The following NR2C1 variants were observed in gnomAD, a reference collection of about 807,000 sequenced individuals.
The protein encoded by NR2C1 is TR2 nuclear hormone receptor.
Under a neutral mutation model 74.8 loss-of-function variants are expected in NR2C1, and 33 were observed. That is an observed-to-expected ratio of 0.44 (90% CI 0.33 to 0.59). The LOEUF is 0.59. Among genes scored for constraint, NR2C1 ranks in the 20% least tolerant of loss-of-function variants. NR2C1 has a pLI of 0.02. For missense variants in NR2C1, 568 were observed against 715.6 expected (o/e 0.79, Z 2.35); for synonymous variants, 225 against 240.6 (o/e 0.94, Z 0.60).
At position 95,073,357 on chromosome 12, in the gene NR2C1, T is replaced by A. The variant is rs547320436; in HGVS notation, c.-8+23A>T. ...CCCCCGCCCCCGACGCGGTCGCTGG[T>A]GTCCCCACCCAGCGTTTCTTACCGG... On this transcript the variant is annotated intron_variant, in intron 1 of 13. Coordinates refer to ENST00000333003, the MANE Select transcript of NR2C1 (RefSeq NM_003297.4). The A allele has an allele frequency of 9.2e-4, 140 of 152,328 alleles. 1 individual carries two copies. Among genetic ancestry groups the A allele is most frequent in the African/African-American group, 3.0e-3 (126 of 41,570 alleles). The allele number at this position is 152,328 out of a possible 1,614,324, so 9.4% of individuals were successfully genotyped here. A position where few individuals can be genotyped will look rare whatever the true frequency, so the allele number is the denominator to read the frequency against.
At position 95,065,190 on chromosome 12, in the gene NR2C1, CT is replaced by C. The variant is rs200969790; in HGVS notation, c.54+2140del. ...AAATATTACTGAGGGTTCCAAAGAG[CT>C]TTTTTTTTGAGATGGAGTTTTACTC... On this transcript the variant is annotated intron_variant, in intron 2 of 13. Transcript: ENST00000333003. Among the ~76,000 whole-genome samples, 601 of 151,050 alleles carry C rather than the reference CT, an allele frequency of 4.0e-3. 2 individuals are homozygous for C. Among genetic ancestry groups the C allele is most frequent in the Middle Eastern group, 0.024 (7 of 292 alleles).
rs1871395323 is a variant in NR2C1 at position 95,040,538 on chromosome 12, G to A, written c.1191C>T (p.Ala397=). ...GCATTGATAAGAACAGCAGTCTGGA[G>A]GCAGACTCCCCAATGTAGTGCACAT... ...YLNVHYIGES[A]SRLLFLSMHW... The change falls in exon 10 of 14, where the codon GCC becomes GCT. Residue 397 remains alanine, a synonymous_variant. Coordinates refer to ENST00000333003, the MANE Select transcript of NR2C1 (RefSeq NM_003297.4). The A allele has an allele frequency of 1.2e-6, 2 of 1,613,370 alleles. No individual in the cohort carries two copies. Among genetic ancestry groups the A allele is most frequent in the Admixed American group, 1.7e-5 (1 of 60,014 alleles).
At chr12:95,062,827 T>C in intron 2 of NR2C1, 89 bp from the exon 3 acceptor site, 1 of 926,102 alleles carries the variant, frequency 1.1e-6, no homozygotes, top group East Asian at 2.6e-5. Context: ...ATTACATATA[T>C]ATTCAATATA....
intron 10 of NR2C1, among the ~76,000 whole-genome samples, chr12:95,038,496 GC>G: frequency 6.6e-6 from 1 of 152,216 alleles, no homozygotes; most frequent in East Asian, 1.9e-4. Flanking sequence ...AGAGGCTCAC[GC>G]CTATAACACC....
At chr12:95,058,582 G>T in intron 4 of NR2C1, 93 bp from the exon 5 acceptor site, 2 of 952,278 alleles carry the variant, frequency 2.1e-6, no homozygotes, top group East Asian at 2.5e-5. Context: ...CAACATATAA[G>T]ATGAAACTGA....
chr12:95,066,576 G>A (rs1418666580), intron 2 of NR2C1, among the ~76,000 whole-genome samples: 1 of 152,160 alleles, frequency 6.6e-6, no homozygotes, highest in East Asian at 1.9e-4. Context: ...GCTTTTCAAA[G>A]GTTAGCAGCA....
chr12:95,023,180 G>T (rs540161954), intron 13 of NR2C1, among the ~76,000 whole-genome samples: 12 of 152,164 alleles, frequency 7.9e-5, no homozygotes, highest in Admixed American at 1.3e-4. Flanking sequence ...TGACCAGCCT[G>T]GCCAACATGG....
At chr12:95,028,352 AT>A in intron 12 of NR2C1, 34 bp downstream of exon 12, 2 of 1,568,346 alleles carry the variant, frequency 1.3e-6, no homozygotes, top group Non-Finnish European at 1.7e-6. Context: ...ATCGTGAAAC[AT>A]TTTATTTTGA....
chr12:95,041,773 A>C (rs895196576), intron 9 of NR2C1, among the ~76,000 whole-genome samples: 1 of 152,244 alleles, frequency 6.6e-6, no homozygotes, highest in Non-Finnish European at 1.5e-5. Context: ...AAGTAAGTAC[A>C]TGCAATAATA....
At chr12:95,053,335 C>A (rs552045876) in intron 7 of NR2C1, among the ~76,000 whole-genome samples, 1 of 152,024 alleles carries the variant, frequency 6.6e-6, no homozygotes, top group South Asian at 2.1e-4. Context: ...AGCTACAATT[C>A]TTTTATAAAA....
At chr12:95,045,629 C>T (rs1460460506) in intron 9 of NR2C1, among the ~76,000 whole-genome samples, 1 of 151,814 alleles carries the variant, frequency 6.6e-6, no homozygotes, top group Non-Finnish European at 1.5e-5. Flanking sequence ...ACATGGGCGA[C>T]CAGAAAGACT....
At chr12:95,033,146 C>T (rs1024664671) in intron 10 of NR2C1, among the ~76,000 whole-genome samples, 3 of 140,754 alleles carry the variant, frequency 2.1e-5, no homozygotes, top group Non-Finnish European at 4.6e-5. Flanking sequence ...AAGACCCTGT[C>T]TCAAAAAAAA....
At chr12:95,057,197 C>T (rs1231630628) in intron 7 of NR2C1, among the ~76,000 whole-genome samples, 1 of 149,324 alleles carries the variant, frequency 6.7e-6, no homozygotes, top group East Asian at 2.0e-4. Context: ...CTCCACCTAC[C>T]GGGTTCAAGC....
chr12:95,043,833 C>A (rs754110879), intron 9 of NR2C1, among the ~76,000 whole-genome samples: 39 of 152,212 alleles, frequency 2.6e-4, no homozygotes, highest in Non-Finnish European at 5.1e-4. Flanking sequence ...CTGGTTTAAT[C>A]ATAAAATGGA....
chr12:95,049,301 A>C, intron 8 of NR2C1, 68 bp from the exon 9 acceptor site: 1 of 1,479,850 alleles, frequency 6.8e-7, no homozygotes, highest in East Asian at 2.3e-5. Flanking sequence ...TCTACATAGG[A>C]TTCTGGAATT....
chr12:95,030,583 T>G, intron 11 of NR2C1: 1 of 1,613,378 alleles, frequency 6.2e-7, no homozygotes, highest in African/African-American at 1.3e-5. Flanking sequence ...GATGCTGCCT[T>G]CTAGTAGATC....
At chr12:95,026,622 G>A (rs1006741454) in intron 12 of NR2C1, among the ~76,000 whole-genome samples, 3 of 152,166 alleles carry the variant, frequency 2.0e-5, no homozygotes, top group Admixed American at 1.3e-4. Context: ...GACAAATTGT[G>A]CTAAGAATAG....
intron 8 of NR2C1, among the ~76,000 whole-genome samples, chr12:95,051,424 G>T (rs1410401853): frequency 6.6e-6 from 1 of 152,172 alleles, no homozygotes; most frequent in South Asian, 2.1e-4. Context: ...CATGCCAATG[G>T]CAAGTTCCCC....
At chr12:95,030,384 T>A in intron 11 of NR2C1, 1 of 1,137,012 alleles carries the variant, frequency 8.8e-7, no homozygotes, top group South Asian at 3.0e-5. Flanking sequence ...AAAACACTGT[T>A]AAGAAGAAAA....
Sources: allele counts gnomAD v4.1 joint callset (sites outside exome capture counted in the v4.1 genomes callset), GRCh38; gene constraint gnomAD v4.1.1; transcripts MANE v1.5; gene names NCBI Gene and HGNC (gene_info 2026-07-23, HGNC 2026-07-21).